TTC7A: variants seen among roughly 807,000 people sequenced by gnomAD.
TTC7A encodes the protein tetratricopeptide repeat domain 7A, also known as tetratricopeptide repeat protein 7A.
TTC7A carries 110 observed loss-of-function variants against 103.7 expected under a neutral mutation model. The ratio of observed to expected loss-of-function variants is 1.06; its 90% CI spans 0.91 to 1.24. The LOEUF is 1.24. Ranked by LOEUF, TTC7A falls within the 50% of genes most tolerant of loss-of-function variation. The pLI is 0.00. For missense variants in TTC7A, 1,340 were observed against 1,116.3 expected, an observed-to-expected ratio of 1.20 and a Z score of -2.86; for synonymous variants, 521 against 467.9, an observed-to-expected ratio of 1.11 and a Z score of -1.47.
intron 19 of TTC7A, among the ~76,000 whole-genome samples, chr2:47,063,948 T>G (rs1439255373): frequency 2.0e-5 from 3 of 152,238 alleles, no homozygotes; most frequent in Non-Finnish European, 4.4e-5. Context: ...GTTGAAGACT[T>G]TGCTCTTAGG....
intron 2 of TTC7A, among the ~76,000 whole-genome samples, chr2:46,921,522 T>C (rs1036144529): frequency 1.3e-5 from 2 of 152,236 alleles, no homozygotes; most frequent in Non-Finnish European, 2.9e-5. Context: ...CCTGCAATAG[T>C]GTCTACTCTT....
Position 47,075,511 on chromosome 2 carries a change from CA to C in TTC7A, c.*1589del, listed in dbSNP as rs1685149431. The C allele has an allele frequency of 6.6e-6, 1 of 152,194 alleles. No homozygotes were observed. The highest frequency in any genetic ancestry group is 1.9e-4 in the East Asian group (1 of 5,198). 9.4% of individuals were successfully genotyped at this position (152,194 alleles called of 1,614,324 possible). A position where few individuals can be genotyped will look rare whatever the true frequency, so the allele number is the denominator to read the frequency against. The stretch of plus-strand genomic sequence containing the variant: ...GCAGAGGGCCAGGCCAAGTTGCTGA[CA>C]GTGACTTTGCAGGTTGAATAAAGAA... On this transcript the variant is annotated 3_prime_UTR_variant, in exon 20 of 20. Coordinates refer to ENST00000319190, the MANE Select transcript of TTC7A (RefSeq NM_020458.4).
intron 19 of TTC7A, 132 bp downstream of exon 19, chr2:47,061,103 G>T (rs1237485913): frequency 1.0e-6 from 1 of 962,462 alleles, no homozygotes; most frequent in Admixed American, 2.7e-5. Flanking sequence ...TGGTGTCTAG[G>T]GGAGGGGGCT....
Position 47,046,354 on chromosome 2 carries a change from A to G in TTC7A, c.1842A>G (p.Lys614=), listed in dbSNP as rs1382877176. Residue 614 remains lysine, a synonymous_variant, in exon 16 of 20, where the codon AAA becomes AAG. Coordinates refer to ENST00000319190, the MANE Select transcript of TTC7A (RefSeq NM_020458.4). ...FTKVKLEQVL[K]GPEEALVTCR... is the part of the protein sequence containing the mutation. ...AGGTGAAGCTGGAGCAGGTGCTGAAAGGCCCAGAGGAAGCCCTCGTGACCT... is the reference window on the plus strand; with the variant it reads ...AGGTGAAGCTGGAGCAGGTGCTGAAGGGCCCAGAGGAAGCCCTCGTGACCT... 4 of 1,614,162 alleles carry G rather than the reference A, an allele frequency of 2.5e-6. No individual in the cohort carries two copies. Among genetic ancestry groups the G allele is most frequent in the Admixed American group, 3.3e-5 (2 of 60,026 alleles).
At chr2:47,041,304 T>C (rs1460150932) in intron 15 of TTC7A, among the ~76,000 whole-genome samples, 1 of 152,244 alleles carries the variant, frequency 6.6e-6, no homozygotes, top group Non-Finnish European at 1.5e-5. Flanking sequence ...TGCTCAGCAC[T>C]GTGCCAGACG....
chr2:47,001,607 A>G (rs1676813050), intron 8 of TTC7A, among the ~76,000 whole-genome samples: 1 of 152,190 alleles, frequency 6.6e-6, no homozygotes, highest in East Asian at 1.9e-4. Context: ...CTGTAATCCC[A>G]GCACTTTGGG....
At chr2:47,024,435 G>A (rs1295899321) in intron 14 of TTC7A, 76 bp downstream of exon 14, 25 of 1,353,068 alleles carry the variant, frequency 1.8e-5, no homozygotes, top group Admixed American at 2.3e-5. Context: ...CTTACCAGCT[G>A]TGTGACCCTC....
At position 46,978,648 on chromosome 2, in the gene TTC7A, G is replaced by T. The variant is rs1432016817; in HGVS notation, c.649-144G>T. 1.2e-5 allele frequency: 7 copies of T among 565,752 alleles called. No homozygotes were observed. In the African/African-American group the frequency reaches 1.3e-4, roughly 11 times the overall value. 35.0% of individuals were successfully genotyped at this position (565,752 alleles called of 1,614,324 possible). On this transcript the variant is annotated intron_variant, in intron 4 of 19. Coordinates refer to ENST00000319190, the MANE Select transcript of TTC7A (RefSeq NM_020458.4). ...TTAGACATATTTTGAGTTAAAGCGA[G>T]TTAGATCAAGCCTGGTCTGAGAATG...
At chr2:47,003,914 C>T (rs893498292) in intron 8 of TTC7A, among the ~76,000 whole-genome samples, 10 of 152,192 alleles carry the variant, frequency 6.6e-5, no homozygotes, top group Admixed American at 3.3e-4. Flanking sequence ...GGGGACAGAA[C>T]GAGGGCTGTA....
chr2:46,937,543 A>T (rs971294361), upstream of TTC7A, among the ~76,000 whole-genome samples: 2 of 152,232 alleles, frequency 1.3e-5, no homozygotes, highest in African/African-American at 4.8e-5. This position sits in a 1 kb window ranked among gnomAD's most constrained non-coding sequence, Gnocchi z 4.0. Context: ...ATATGCCAGT[A>T]GGGGCCTCAG....
intron 19 of TTC7A, among the ~76,000 whole-genome samples, chr2:47,068,862 CAAAAAAAAAAAAA>C (rs201835431): frequency 0.024 from 1,651 of 69,798 alleles, 39 homozygotes; most frequent in African/African-American, 0.056. Flanking sequence ...TCAATTTTTT[CAAAAAAAAAAAAA>C]AAAAAAAAAA....
intron 19 of TTC7A, chr2:47,066,120 T>G (rs1384058149): frequency 1.3e-5 from 2 of 152,216 alleles, no homozygotes; most frequent in Admixed American, 1.3e-4. Flanking sequence ...ACCCAGCTTC[T>G]TCTCTCCCCA....
intron 18 of TTC7A, among the ~76,000 whole-genome samples, chr2:47,055,493 A>T (rs571726835): frequency 5.3e-5 from 8 of 152,150 alleles, no homozygotes; most frequent in Non-Finnish European, 8.8e-5. Context: ...TGGGAGAGGC[A>T]CAGAGTCCCA....
At chr2:47,024,645 A>G (rs1473750553) in intron 14 of TTC7A, among the ~76,000 whole-genome samples, 2 of 151,866 alleles carry the variant, frequency 1.3e-5, no homozygotes, top group Admixed American at 6.5e-5. Context: ...ACCACCTGTC[A>G]CTCATTTATT....
At chr2:46,945,217 C>A (rs1054830556) in intron 1 of TTC7A, among the ~76,000 whole-genome samples, 1 of 152,158 alleles carries the variant, frequency 6.6e-6, no homozygotes, top group Non-Finnish European at 1.5e-5. Context: ...CCTCAGCCTC[C>A]CAAATGGCTG....
At chr2:46,987,200 T>C (rs993002164) in intron 5 of TTC7A, among the ~76,000 whole-genome samples, 5 of 152,188 alleles carry the variant, frequency 3.3e-5, no homozygotes, top group African/African-American at 1.2e-4. Flanking sequence ...AGCCGTGGAC[T>C]CTGGTTGGAG....
At chr2:46,939,335 T>C (rs1670138496), upstream of TTC7A, among the ~76,000 whole-genome samples, 1 of 152,074 alleles carries the variant, frequency 6.6e-6, no homozygotes, top group Admixed American at 6.5e-5. Context: ...TGGGTTCTTG[T>C]TCCTAGTTTT....
At chr2:46,971,821 G>C (rs879545951) in intron 3 of TTC7A, among the ~76,000 whole-genome samples, 1 of 152,098 alleles carries the variant, frequency 6.6e-6, no homozygotes. Context: ...AAAGTGTACT[G>C]TGTGGGCACA....
At chr2:46,987,779 A>G (rs1378535740) in intron 5 of TTC7A, among the ~76,000 whole-genome samples, 1 of 151,462 alleles carries the variant, frequency 6.6e-6, no homozygotes, top group Non-Finnish European at 1.5e-5. Context: ...CAGGTTGTTC[A>G]GGCCGGTGAA....
Sources: allele counts gnomAD v4.1 joint callset (sites outside exome capture counted in the v4.1 genomes callset), GRCh38; gene constraint gnomAD v4.1.1; non-coding constraint Gnocchi (gnomAD v3.1); transcripts MANE v1.5; gene names NCBI Gene and HGNC (gene_info 2026-07-23, HGNC 2026-07-21).